PRICKLE2: variants seen among roughly 807,000 people sequenced by gnomAD.
PRICKLE2 encodes the protein prickle-like protein 2.
A neutral mutation model predicts 81.4 loss-of-function variants in PRICKLE2; 21 were observed. That is an observed-to-expected ratio of 0.26 (90% CI 0.18 to 0.37). The LOEUF (loss-of-function observed/expected upper bound fraction) is 0.37, where lower values mean the gene tolerates loss of function less well. PRICKLE2 is among the 10% of genes least tolerant of loss of function. The pLI, the probability that PRICKLE2 is intolerant of heterozygous loss-of-function variation, is 1.00. For missense variants in PRICKLE2, 940 were observed against 1,109.0 expected (o/e 0.85, Z 2.16); for synonymous variants, 456 against 421.5 (o/e 1.08, Z -1.00).
chr3:64,135,627 G>C (rs929234802), intron 7 of PRICKLE2, among the ~76,000 whole-genome samples: 2 of 152,008 alleles, frequency 1.3e-5, no homozygotes, highest in East Asian at 3.9e-4. Flanking sequence ...GTGATGGTCT[G>C]ATTTTGATTT....
At position 64,098,662 on chromosome 3, in the gene PRICKLE2, G is replaced by A; in HGVS notation, c.*389C>T. 1 of 228,942 alleles carries A rather than the reference G, an allele frequency of 4.4e-6. No homozygotes were observed. The highest frequency in any genetic ancestry group is 8.8e-6 in the Non-Finnish European group (1 of 114,270). 14.2% of individuals were successfully genotyped at this position (228,942 alleles called of 1,614,324 possible). On this transcript the variant is annotated 3_prime_UTR_variant, in exon 8 of 8. Transcript: ENST00000638394. ...TTACAATGGACATGTAAATAACTTA[G>A]TCTTGGGTCCTGGCTAATAAACAAA...
At chr3:64,252,945 G>A (rs2079470974) in intron 2 of PRICKLE2, among the ~76,000 whole-genome samples, 1 of 152,184 alleles carries the variant, frequency 6.6e-6, no homozygotes, top group Non-Finnish European at 1.5e-5. Flanking sequence ...AAAACAGGAT[G>A]CAGGTTGGAT....
intron 1 of PRICKLE2, among the ~76,000 whole-genome samples, chr3:64,224,127 A>G (rs905100473): frequency 2.0e-5 from 3 of 152,218 alleles, no homozygotes; most frequent in African/African-American, 7.2e-5. Flanking sequence ...ATGGCATCAC[A>G]TCTGGTATGG....
chr3:64,160,056 C>G lies in PRICKLE2; in HGVS notation c.280G>C (p.Asp94His). ...DNEVRYCNSL[D>H]EEEKRELKLF... ...TTCAGCTCCCTCTTCTCTTCCTCAT[C>G]CAGGGAGTTGCAATATCGAACCTGA... The change falls in exon 4 of 8, where the codon GAT (aspartate) becomes CAT (histidine). Residue 94 changes from aspartate to histidine, a missense_variant. Asp to His is a moderately conservative substitution (Grantham distance 81). Coordinates refer to ENST00000638394, the MANE Select transcript of PRICKLE2 (RefSeq NM_198859.4). The G allele has an allele frequency of 6.2e-7, 1 of 1,614,128 alleles. No individual in the cohort carries two copies. Among genetic ancestry groups the G allele is most frequent in the South Asian group, 1.1e-5 (1 of 91,084 alleles).
intron 7 of PRICKLE2, among the ~76,000 whole-genome samples, chr3:64,121,488 T>C (rs1355906515): frequency 2.6e-5 from 4 of 151,890 alleles, no homozygotes; most frequent in South Asian, 4.2e-4. Context: ...ATAATTTCTG[T>C]CTCAGTTATT....
At chr3:64,204,821 T>C (rs58962325) in intron 1 of PRICKLE2, among the ~76,000 whole-genome samples, 10,593 of 152,146 alleles carry the variant, frequency 0.07, 657 homozygotes, top group African/African-American at 0.18. Context: ...AATGGCTAAT[T>C]TAATAACCTC....
intron 7 of PRICKLE2, among the ~76,000 whole-genome samples, chr3:64,123,407 C>G (rs2077059180): frequency 6.6e-6 from 1 of 152,160 alleles, no homozygotes; most frequent in Admixed American, 6.5e-5. Context: ...CTCAAATGCT[C>G]AAGGGAGCAT....
At chr3:64,187,498 C>G (rs1253538709) in intron 2 of PRICKLE2, 1 of 152,190 alleles carries the variant, frequency 6.6e-6, no homozygotes, top group Non-Finnish European at 1.5e-5. Context: ...GGAATTTAAT[C>G]CAATTCAGTT....
intron 2 of PRICKLE2, among the ~76,000 whole-genome samples, chr3:64,197,980 C>T (rs1270609481): frequency 1.3e-5 from 2 of 151,840 alleles, no homozygotes; most frequent in African/African-American, 4.8e-5. Flanking sequence ...GGGAGGCCAA[C>T]ACGGACGGAT....
chr3:64,164,355 T>TA lies in PRICKLE2; in HGVS notation c.145-1227dup, dbSNP rs1010003099. ...CTTTCTCAAAAAACATCAACAAAAA[T>TA]AAAAAAAAAAAAATTTGTTACATTC... On this transcript the variant is annotated intron_variant, in intron 2 of 7. Coordinates refer to ENST00000638394, the MANE Select transcript of PRICKLE2 (RefSeq NM_198859.4). Among the ~76,000 whole-genome samples, 658 of 151,294 alleles carry TA rather than the reference T, an allele frequency of 4.3e-3. 5 individuals carry two copies. Among genetic ancestry groups the TA allele is most frequent in the African/African-American group, 0.015 (616 of 40,860 alleles).
intron 2 of PRICKLE2, among the ~76,000 whole-genome samples, chr3:64,170,464 T>C (rs907499198): frequency 6.6e-6 from 1 of 152,184 alleles, no homozygotes; most frequent in Non-Finnish European, 1.5e-5. Context: ...TGGCTACTTC[T>C]GGACCCGGCT....
intron 2 of PRICKLE2, among the ~76,000 whole-genome samples, chr3:64,190,015 G>A (rs139867375): frequency 2.6e-5 from 4 of 152,154 alleles, no homozygotes; most frequent in Admixed American, 2.0e-4. Context: ...GGCTCCATTC[G>A]TGTCTCCCCA....
chr3:64,189,657 T>C (rs1250730571), intron 2 of PRICKLE2, among the ~76,000 whole-genome samples: 1 of 152,248 alleles, frequency 6.6e-6, no homozygotes, highest in Non-Finnish European at 1.5e-5. Context: ...TGGGACTGTT[T>C]ATTCACGCAA....
At chr3:64,196,400 T>G (rs2078454100) in intron 2 of PRICKLE2, among the ~76,000 whole-genome samples, 1 of 152,198 alleles carries the variant, frequency 6.6e-6, no homozygotes, top group Admixed American at 6.5e-5. Flanking sequence ...ACAAGCTCAC[T>G]GGTGTATCTA....
chr3:64,230,588 C>T (rs953121000), intron 2 of PRICKLE2, among the ~76,000 whole-genome samples: 6 of 152,164 alleles, frequency 3.9e-5, no homozygotes, highest in African/African-American at 1.4e-4. Flanking sequence ...AGTTTCTAGC[C>T]AATTTCTAAT....
At chr3:64,164,488 C>T (rs2077792033) in intron 2 of PRICKLE2, among the ~76,000 whole-genome samples, 1 of 152,190 alleles carries the variant, frequency 6.6e-6, no homozygotes, top group Non-Finnish European at 1.5e-5. Flanking sequence ...GCTCTGTCTA[C>T]TTTGATCTCC....
At chr3:64,151,073 C>T (rs1401266413) in intron 6 of PRICKLE2, among the ~76,000 whole-genome samples, 1 of 152,224 alleles carries the variant, frequency 6.6e-6, no homozygotes, top group African/African-American at 2.4e-5. Context: ...CTCTGCTGTG[C>T]ACAGGCAAAA....
upstream of PRICKLE2, among the ~76,000 whole-genome samples, chr3:64,227,301 AG>A (rs2079044502): frequency 6.6e-6 from 1 of 152,070 alleles, no homozygotes; most frequent in Non-Finnish European, 1.5e-5. Context: ...TCCTTCAAAA[AG>A]TCAATTAGCA....
intron 7 of PRICKLE2, among the ~76,000 whole-genome samples, chr3:64,116,414 G>C (rs1020976076): frequency 6.6e-6 from 1 of 151,730 alleles, no homozygotes; most frequent in Admixed American, 6.6e-5. Flanking sequence ...CCAGGAGCTG[G>C]TTTTCTTGAA....
Sources: gnomAD v4.1 joint callset for allele counts (sites outside exome capture counted in the v4.1 genomes callset) on GRCh38, gnomAD v4.1.1 for gene constraint, MANE v1.5 for transcripts, NCBI Gene and HGNC (gene_info 2026-07-23, HGNC 2026-07-21) for gene names.